Variants in USH2A observed in about 807,000 individuals in gnomAD.
USH2A encodes the protein Usher syndrome 2A (autosomal recessive, mild).
A neutral mutation model predicts 538.9 loss-of-function variants in USH2A; 443 were observed. The ratio of observed to expected loss-of-function variants is 0.82; its 90% CI spans 0.76 to 0.89. USH2A has a LOEUF of 0.89. Ranked by LOEUF, USH2A falls within the 40% of genes least tolerant of loss-of-function variation. The pLI is 0.00. For synonymous variants in USH2A, 2,413 were observed against 2,273.5 expected, an observed-to-expected ratio of 1.06 and a Z score of -1.75; for missense variants, 6,633 against 6,324.8, an observed-to-expected ratio of 1.05 and a Z score of -1.65.
At chr1:215,822,303 A>G (rs1043084933) in intron 47 of USH2A, among the ~76,000 whole-genome samples, 1 of 151,868 alleles carries the variant, frequency 6.6e-6, no homozygotes, top group African/African-American at 2.4e-5. Context: ...TTCTTTCATC[A>G]GCATTTTATA....
At chr1:215,664,195 TG>T (rs200880558) in intron 64 of USH2A, among the ~76,000 whole-genome samples, 2 of 152,224 alleles carry the variant, frequency 1.3e-5, no homozygotes, top group East Asian at 3.8e-4. Context: ...TTTGATAGTG[TG>T]GGTTTTCTCA....
intron 9 of USH2A, among the ~76,000 whole-genome samples, chr1:216,294,269 G>T (rs2037061339): frequency 6.6e-6 from 1 of 152,026 alleles, no homozygotes; most frequent in East Asian, 1.9e-4. Context: ...GCAGGAGGTA[G>T]AAAATTAAAA....
At chr1:216,250,587 C>T (rs189489184) in intron 12 of USH2A, among the ~76,000 whole-genome samples, 51 of 152,208 alleles carry the variant, frequency 3.4e-4, no homozygotes, top group Non-Finnish European at 5.7e-4. Flanking sequence ...TGAAAAAGTG[C>T]TAATTTTCTA....
At chr1:216,048,443 G>T in intron 31 of USH2A, 91 bp downstream of exon 31, 4 of 1,313,446 alleles carry the variant, frequency 3.0e-6, no homozygotes, top group South Asian at 2.4e-5. Flanking sequence ...GTTGGGGTTT[G>T]CCAGCAAATG....
Position 216,412,711 on chromosome 1 carries a change from CT to C in USH2A, c.651+5802del, listed in dbSNP as rs1051019281. Among the ~76,000 whole-genome samples, 1,074 of 143,618 alleles carry C rather than the reference CT, an allele frequency of 7.5e-3. 14 individuals are homozygous for C. Among genetic ancestry groups the C allele is most frequent in the African/African-American group, 0.024 (954 of 39,360 alleles). The allele number at this position is 143,618 out of a possible 152,430, so 94.2% of individuals were successfully genotyped here. A position where few individuals can be genotyped will look rare whatever the true frequency, so the allele number is the denominator to read the frequency against. ...TTTCAGTTCTTTTGGGATTCTGTGC[CT>C]TTTTTTTTTGGTTTGGAGAATTTTA... is the stretch of plus-strand genomic sequence containing the variant. On this transcript the variant is annotated intron_variant, in intron 3 of 71. Transcript: ENST00000307340.
intron 15 of USH2A, among the ~76,000 whole-genome samples, chr1:216,213,494 A>G (rs2035285040): frequency 6.6e-6 from 1 of 152,088 alleles, no homozygotes; most frequent in South Asian, 2.1e-4. Flanking sequence ...CAATTTCAAC[A>G]AATGTTAATG....
chr1:215,627,846 C>T (rs1267840083), intron 71 of USH2A, among the ~76,000 whole-genome samples: 2 of 152,138 alleles, frequency 1.3e-5, no homozygotes, highest in Non-Finnish European at 2.9e-5. Flanking sequence ...TATTTTCTAA[C>T]AGGCCCAGTG....
chr1:216,162,093 T>C (rs2034070365), intron 21 of USH2A, among the ~76,000 whole-genome samples: 1 of 152,096 alleles, frequency 6.6e-6, no homozygotes, highest in Admixed American at 6.6e-5. Context: ...ATTTTTCATA[T>C]TTGATAATAT....
At chr1:215,886,482 G>C (rs1326541524) in intron 41 of USH2A, 1 of 152,250 alleles carries the variant, frequency 6.6e-6, no homozygotes, top group Admixed American at 6.5e-5. Context: ...GAATATTCCT[G>C]CTGATTCTAT....
At chr1:216,399,522 G>A (rs2039272335) in intron 3 of USH2A, among the ~76,000 whole-genome samples, 1 of 152,084 alleles carries the variant, frequency 6.6e-6, no homozygotes, top group African/African-American at 2.4e-5. Flanking sequence ...CTGGAGAGAA[G>A]CAGAACCTTC....
chr1:216,204,630 C>T (rs948665008), intron 16 of USH2A, among the ~76,000 whole-genome samples: 6 of 152,126 alleles, frequency 3.9e-5, no homozygotes, highest in African/African-American at 1.4e-4. Flanking sequence ...TTGAAAAGTT[C>T]AATGATTCTC....
Position 216,410,848 on chromosome 1 carries a change from T to C in USH2A, c.651+7666A>G, listed in dbSNP as rs573415507. Reference sequence around the variant, plus strand: ...TTAAACTCCTCTCAAAGCTGACCATTCATTTGCATATTCACTATTGTCTTC... The same window carrying C: ...TTAAACTCCTCTCAAAGCTGACCATCCATTTGCATATTCACTATTGTCTTC... On this transcript the variant is annotated intron_variant, in intron 3 of 71. Coordinates refer to ENST00000307340, the MANE Select transcript of USH2A (RefSeq NM_206933.4). Among the ~76,000 whole-genome samples the C allele has an allele frequency of 2.0e-5, 3 of 152,248 alleles. No individual in the cohort carries two copies. In the South Asian group the frequency reaches 6.2e-4, roughly 32 times the overall value.
intron 62 of USH2A, among the ~76,000 whole-genome samples, chr1:215,677,970 C>T (rs1349698414): frequency 1.3e-5 from 2 of 152,048 alleles, no homozygotes; most frequent in African/African-American, 2.4e-5. Context: ...AGCCCAAAGC[C>T]TAAACCCAAA....
At chr1:216,308,306 C>T (rs11120756) in intron 9 of USH2A, among the ~76,000 whole-genome samples, 40,580 of 152,008 alleles carry the variant, frequency 0.27, 5,575 homozygotes, top group Middle Eastern at 0.36. Flanking sequence ...AGTGCAGCAG[C>T]ACCTTCCCAT....
chr1:215,667,658 A>T (rs1657674428), intron 64 of USH2A, among the ~76,000 whole-genome samples: 1 of 152,020 alleles, frequency 6.6e-6, no homozygotes, highest in African/African-American at 2.4e-5. Context: ...AGATCGTGCC[A>T]TTGCACTCCA....
At chr1:215,913,418 A>G (rs1342942686) in intron 38 of USH2A, among the ~76,000 whole-genome samples, 1 of 152,064 alleles carries the variant, frequency 6.6e-6, no homozygotes, top group African/African-American at 2.4e-5. Context: ...TTAAGTTTGG[A>G]CCTGTTAAAT....
intron 37 of USH2A, among the ~76,000 whole-genome samples, chr1:215,937,004 G>A (rs1666517004): frequency 6.6e-6 from 1 of 152,086 alleles, no homozygotes; most frequent in Non-Finnish European, 1.5e-5. Context: ...GATGGAGGAA[G>A]TCACTGAAAA....
At chr1:216,070,954 T>C (rs566624329) in intron 29 of USH2A, among the ~76,000 whole-genome samples, 2 of 152,090 alleles carry the variant, frequency 1.3e-5, no homozygotes, top group Non-Finnish European at 2.9e-5. Flanking sequence ...TATCACAAAA[T>C]GAGGAAGTTT....
In USH2A at chr1:216,012,112, C is replaced by G. The variant is rs202185666; in HGVS notation, c.6326-11550G>C. 6.1e-4 allele frequency among the ~76,000 whole-genome samples: 41 copies of G among 67,194 alleles called. 13 individuals carry two copies. The highest frequency in any genetic ancestry group is 2.5e-3 in the Admixed American group (14 of 5,686). The allele number at this position is 67,194 out of a possible 152,430, so 44.1% of individuals were successfully genotyped here. ...CGCCATTCTCCTGCCTCAGCCTCCC[C>G]AGTAGCTGGGACTACAGGCGCCCAC... On this transcript the variant is annotated intron_variant, in intron 32 of 71. Transcript: ENST00000307340.
Sources: gnomAD v4.1 joint callset for allele counts (sites outside exome capture counted in the v4.1 genomes callset) on GRCh38, gnomAD v4.1.1 for gene constraint, MANE v1.5 for transcripts, NCBI Gene and HGNC (gene_info 2026-07-23, HGNC 2026-07-21) for gene names.